Variants in MTF2 observed in about 807,000 individuals in gnomAD.
MTF2 encodes metal response element binding transcription factor 2.
In MTF2, 11 loss-of-function variants were observed where a neutral mutation model predicts 79.5. That is an observed-to-expected ratio of 0.14 (90% confidence interval 0.09 to 0.23). The LOEUF (loss-of-function observed/expected upper bound fraction) is 0.23. Among genes scored for constraint, MTF2 ranks in the 10% least tolerant of loss-of-function variants. The probability of loss-of-function intolerance (pLI) is 1.00; values close to 1 mark genes in which losing one functional copy is unlikely to be tolerated. For missense variants in MTF2, 486 were observed against 711.2 expected (o/e 0.68, Z 3.60); for synonymous variants, 208 against 232.8 (o/e 0.89, Z 0.97).
At chr1:93,126,808 C>T (rs748139705) in intron 9 of MTF2, among the ~76,000 whole-genome samples, 7 of 151,930 alleles carry the variant, frequency 4.6e-5, no homozygotes, top group Non-Finnish European at 1.0e-4. Context: ...ATGTTTCTTA[C>T]TACTTTTTGT....
chr1:93,134,191 T>C lies in MTF2; in HGVS notation c.1420T>C (p.Tyr474His). ...TACCTCGTCTAGCATTTCCAGGCAT[T>C]ATGGGTAGATATTTTACATTCTTAT... ...ETTSSSISRH[Y>H]GLSDSRKRTR... The change falls in exon 14 of 15, where the codon TAT becomes CAT. Residue 474 changes from tyrosine to histidine, a missense_variant. Transcript: ENST00000370298. 1.9e-6 allele frequency: 3 copies of C among 1,588,004 alleles called. No homozygotes were observed. Among genetic ancestry groups the C allele is most frequent in the Non-Finnish European group, 2.6e-6 (3 of 1,162,418 alleles).
chr1:93,120,874 G>T, intron 9 of MTF2: 1 of 1,259,816 alleles, frequency 7.9e-7, no homozygotes, highest in Non-Finnish European at 9.9e-7. Context: ...TGTTGACTCT[G>T]GAAATTTGTA....
At chr1:93,116,066 C>T (rs935726103) in intron 6 of MTF2, among the ~76,000 whole-genome samples, 1 of 151,982 alleles carries the variant, frequency 6.6e-6, no homozygotes, top group Admixed American at 6.5e-5. Flanking sequence ...CTTTCTTCTA[C>T]GTATTTTCAT....
intron 1 of MTF2, among the ~76,000 whole-genome samples, chr1:93,081,720 G>T (rs1654614871): frequency 1.3e-5 from 2 of 152,138 alleles, no homozygotes; most frequent in South Asian, 4.1e-4. Flanking sequence ...TATATCTGCT[G>T]TATCCAGTAC....
chr1:93,130,805 A>T (rs1025764911), intron 11 of MTF2, among the ~76,000 whole-genome samples: 7 of 152,206 alleles, frequency 4.6e-5, no homozygotes, highest in African/African-American at 1.7e-4. Context: ...GAAAATAAGG[A>T]ATCAATTAAA....
Position 93,137,263 on chromosome 1 carries a change from A to C in MTF2, c.*236A>C. ...TAATTTTTTAAATCTTAAGATTTGT[A>C]GAATGTTTCTAGGATAGGATATTAA... On this transcript the variant is annotated 3_prime_UTR_variant, in exon 15 of 15. Coordinates refer to ENST00000370298, the MANE Select transcript of MTF2 (RefSeq NM_007358.4). 2.6e-6 allele frequency: 1 copy of C among 382,360 alleles called. No individual in the cohort carries two copies. Among genetic ancestry groups the C allele is most frequent in the Non-Finnish European group, 4.7e-6 (1 of 212,534 alleles). 23.7% of individuals were successfully genotyped at this position (382,360 alleles called of 1,614,324 possible).
chr1:93,097,939 C>T (rs1420078311), intron 1 of MTF2, among the ~76,000 whole-genome samples: 3 of 152,120 alleles, frequency 2.0e-5, no homozygotes, highest in Admixed American at 6.5e-5. Flanking sequence ...TTTGGGTTCC[C>T]ATCTTTTTCT....
At chr1:93,118,777 C>T (rs771150330) in intron 7 of MTF2, among the ~76,000 whole-genome samples, 1 of 152,134 alleles carries the variant, frequency 6.6e-6, no homozygotes, top group Non-Finnish European at 1.5e-5. Context: ...CACAACTATA[C>T]TTTAGATATG....
At chr1:93,133,463 A>G (rs1647225954) in intron 11 of MTF2, among the ~76,000 whole-genome samples, 1 of 152,142 alleles carries the variant, frequency 6.6e-6, no homozygotes, top group East Asian at 1.9e-4. Flanking sequence ...ATTATATTAA[A>G]GAGGACTTTC....
chr1:93,109,305 A>G (rs1655931525), intron 1 of MTF2, among the ~76,000 whole-genome samples: 2 of 151,994 alleles, frequency 1.3e-5, no homozygotes, highest in Admixed American at 6.6e-5. Flanking sequence ...TTTTCCTTTA[A>G]GTACTCTTAT....
chr1:93,088,097 G>A (rs1034960057), intron 1 of MTF2, among the ~76,000 whole-genome samples: 1 of 152,046 alleles, frequency 6.6e-6, no homozygotes, highest in African/African-American at 2.4e-5. Context: ...TGCAGCAAGA[G>A]CCCCTCAGTT....
At chr1:93,094,078 T>G (rs1301909817) in intron 1 of MTF2, among the ~76,000 whole-genome samples, 2 of 152,236 alleles carry the variant, frequency 1.3e-5, no homozygotes, top group African/African-American at 4.8e-5. Context: ...GTCCTTGATT[T>G]TCTTAGAACA....
At chr1:93,116,110 T>G (rs888910512) in intron 6 of MTF2, among the ~76,000 whole-genome samples, 5 of 152,236 alleles carry the variant, frequency 3.3e-5, no homozygotes, top group Non-Finnish European at 7.3e-5. Flanking sequence ...CAGATTGTAG[T>G]GCAGTGACAT....
chr1:93,089,265 A>T (rs531269797), intron 1 of MTF2, among the ~76,000 whole-genome samples: 2 of 152,336 alleles, frequency 1.3e-5, no homozygotes, highest in South Asian at 4.1e-4. Context: ...AGATAAATAC[A>T]TAAATAAATT....
At chr1:93,096,789 ATTTTCTTT>A (rs1655307093) in intron 1 of MTF2, among the ~76,000 whole-genome samples, 1 of 132,118 alleles carries the variant, frequency 7.6e-6, no homozygotes, top group African/African-American at 2.9e-5. Context: ...AAAAGTGTAT[ATTTTCTTT>A]TTTTCTTTTT....
At chr1:93,092,606 TAGATG>T (rs1247446263) in intron 1 of MTF2, among the ~76,000 whole-genome samples, 1 of 152,132 alleles carries the variant, frequency 6.6e-6, no homozygotes, top group African/African-American at 2.4e-5. Flanking sequence ...TTTATAATGT[TAGATG>T]AGAATGAATG....
At chr1:93,082,295 A>G (rs1378451726) in intron 1 of MTF2, among the ~76,000 whole-genome samples, 1 of 150,158 alleles carries the variant, frequency 6.7e-6, no homozygotes, top group African/African-American at 2.4e-5. Flanking sequence ...TTTTTCTGTA[A>G]AAAGAGACAA....
chr1:93,125,220 A>C (rs1278922489), intron 9 of MTF2, among the ~76,000 whole-genome samples: 1 of 151,918 alleles, frequency 6.6e-6, no homozygotes, highest in Non-Finnish European at 1.5e-5. Flanking sequence ...TTAAAAGGCA[A>C]TAAGGAAAAT....
intron 9 of MTF2, among the ~76,000 whole-genome samples, chr1:93,122,744 A>G (rs1409645571): frequency 6.6e-6 from 1 of 152,178 alleles, no homozygotes; most frequent in Admixed American, 6.5e-5. Context: ...TAGATGAGAC[A>G]TCTCATTCAC....
Sources: allele counts gnomAD v4.1 joint callset (sites outside exome capture counted in the v4.1 genomes callset), GRCh38; gene constraint gnomAD v4.1.1; transcripts MANE v1.5; gene names NCBI Gene and HGNC (gene_info 2026-07-23, HGNC 2026-07-21).